SHROOM3: variants seen among roughly 807,000 people sequenced by gnomAD.
The protein encoded by SHROOM3 is protein Shroom3.
In SHROOM3, 47 loss-of-function variants were observed where a neutral mutation model predicts 138.6. That is an observed-to-expected ratio of 0.34 (90% confidence interval 0.27 to 0.43). SHROOM3 has a LOEUF of 0.43. Ranked by LOEUF, SHROOM3 falls within the 20% of genes least tolerant of loss-of-function variation. The probability of loss-of-function intolerance (pLI) is 1.00; values close to 1 mark genes in which losing one functional copy is unlikely to be tolerated. For missense variants in SHROOM3, 2,491 were observed against 2,596.5 expected (o/e 0.96, Z 0.88); for synonymous variants, 1,062 against 1,063.3 (o/e 1.00, Z 0.02).
At chr4:76,525,703 C>T (rs758300911) in intron 1 of SHROOM3, among the ~76,000 whole-genome samples, 1 of 152,102 alleles carries the variant, frequency 6.6e-6, no homozygotes, top group Non-Finnish European at 1.5e-5. Flanking sequence ...CTTTTAGTAA[C>T]ATTCTTAGAG....
intron 2 of SHROOM3, among the ~76,000 whole-genome samples, chr4:76,685,948 G>T (rs1176829573): frequency 6.6e-6 from 1 of 152,130 alleles, no homozygotes; most frequent in Non-Finnish European, 1.5e-5. Flanking sequence ...CTCCAGCCTG[G>T]GTGACAGAGC....
intron 1 of SHROOM3, 112 bp downstream of exon 1, chr4:76,436,332 T>G: frequency 2.5e-6 from 3 of 1,179,618 alleles, no homozygotes; most frequent in Non-Finnish European, 3.7e-6. Context: ...AATTTGCTGT[T>G]TCATGCCTTT....
chr4:76,472,403 T>C (rs531575553), intron 1 of SHROOM3, among the ~76,000 whole-genome samples: 1 of 152,286 alleles, frequency 6.6e-6, no homozygotes, highest in East Asian at 1.9e-4. Context: ...ATTTGTGACT[T>C]GCCTTCAAGA....
intron 1 of SHROOM3, among the ~76,000 whole-genome samples, chr4:76,439,637 C>A (rs1238916394): frequency 6.6e-6 from 1 of 152,112 alleles, no homozygotes; most frequent in Non-Finnish European, 1.5e-5. Flanking sequence ...ACTATTCTCC[C>A]AAGTTAGGGT....
chr4:76,717,441 C>T (rs1720406054), intron 3 of SHROOM3, among the ~76,000 whole-genome samples: 1 of 152,134 alleles, frequency 6.6e-6, no homozygotes, highest in Non-Finnish European at 1.5e-5. Flanking sequence ...TTCTTCCTTT[C>T]CCTCTTTCTT....
rs1483662691 is a variant in SHROOM3, at chr4:76,740,255, C to A, written c.2082C>A (p.Thr694=). The stretch of plus-strand genomic sequence containing the variant: ...AGGGTTACCCCGGGGGCAGGCCCAC[C>A]TGTGCAGTCAACACCAAGGCAGAAG... ...TQEGYPGGRP[T]CAVNTKAEDP... is the part of the protein sequence containing the mutation. The change falls in exon 5 of 11, where the codon ACC becomes ACA. Residue 694 remains threonine (T), a synonymous_variant. Coordinates refer to ENST00000296043, the MANE Select transcript of SHROOM3 (RefSeq NM_020859.4). This position sits in a 1 kb window ranked among gnomAD's most constrained non-coding sequence, Gnocchi z 4.0. 3 of 1,613,172 alleles carry A rather than the reference C, an allele frequency of 1.9e-6. No individual in the cohort carries two copies. The highest frequency in any genetic ancestry group is 2.5e-6 in the Non-Finnish European group (3 of 1,180,050).
intron 1 of SHROOM3, among the ~76,000 whole-genome samples, chr4:76,528,852 T>C (rs967366527): frequency 2.0e-5 from 3 of 152,020 alleles, no homozygotes; most frequent in Admixed American, 6.6e-5. Context: ...CTGTGCCCGG[T>C]CTTCCTCTCC....
rs1277317995 is a variant in SHROOM3 at position 76,736,751 on chromosome 4, T to G, written c.588-2010T>G. 5.9e-5 allele frequency among the ~76,000 whole-genome samples: 9 copies of G among 152,136 alleles called. No homozygotes were observed. The East Asian group carries it at 9.6e-4, about 16-fold the overall frequency. Reference sequence around the variant, plus strand: ...TGCCCTCCCCGTGTGTGTATATATATAGAGACAGAGACAGACATTTTTTAG... The same window carrying G: ...TGCCCTCCCCGTGTGTGTATATATAGAGAGACAGAGACAGACATTTTTTAG... On this transcript the variant is annotated intron_variant, in intron 4 of 10. Transcript: ENST00000296043.
At chr4:76,552,044 G>C (rs60907463) in intron 1 of SHROOM3, among the ~76,000 whole-genome samples, 69,804 of 142,348 alleles carry the variant, frequency 0.49, 17,774 homozygotes, top group African/African-American at 0.6. Flanking sequence ...TGTATCTTTA[G>C]TAGAGACGGG....
At position 76,741,600 on chromosome 4, in the gene SHROOM3, C is replaced by T; in HGVS notation, c.3427C>T (p.Arg1143Trp). The T allele has an allele frequency of 1.3e-6, 2 of 1,539,700 alleles. No homozygotes were observed. The highest frequency in any genetic ancestry group is 8.7e-7 in the Non-Finnish European group (1 of 1,148,504). The stretch of plus-strand genomic sequence containing the variant: ...CTCGGCCTCCAGCTTGAGCTCACTG[C>T]GGGAGCCCAGCCTGCAGCCCCGCAG... Reference protein sequence around the residue: ...LASASSLSSLREPSLQPRREA... With the variant: ...LASASSLSSLWEPSLQPRREA... Residue 1143 changes from arginine (R) to tryptophan (W), a missense_variant, in exon 5 of 11, where the codon CGG becomes TGG. By Grantham distance (101) the Arg-to-Trp change is moderately radical. Transcript: ENST00000296043. This position sits in a 1 kb window ranked among gnomAD's most constrained non-coding sequence, Gnocchi z 6.2.
chr4:76,643,316 T>G (rs4859701), intron 2 of SHROOM3, among the ~76,000 whole-genome samples: 104,447 of 151,778 alleles, frequency 0.69, 36,054 homozygotes, highest in Middle Eastern at 0.74. Flanking sequence ...CAATTCATCC[T>G]CAGAACACCC....
chr4:76,688,380 G>A (rs1044614718), intron 2 of SHROOM3: 1 of 985,148 alleles, frequency 1.0e-6, no homozygotes, highest in African/African-American at 1.7e-5. Context: ...AGGTAAATGT[G>A]GTATCAGCTG....
chr4:76,469,920 A>C (rs1731333691), intron 1 of SHROOM3, among the ~76,000 whole-genome samples: 1 of 152,202 alleles, frequency 6.6e-6, no homozygotes, highest in Non-Finnish European at 1.5e-5. Context: ...TTTAAGACGA[A>C]ATATGTCAAG....
At chr4:76,610,157 T>C (rs756561421) in intron 2 of SHROOM3, among the ~76,000 whole-genome samples, 1 of 152,252 alleles carries the variant, frequency 6.6e-6, no homozygotes, top group Non-Finnish European at 1.5e-5. Context: ...TCTTTCCTTA[T>C]TGTAAAACTA....
At chr4:76,627,645 C>T (rs1735184802) in intron 2 of SHROOM3, among the ~76,000 whole-genome samples, 1 of 151,084 alleles carries the variant, frequency 6.6e-6, no homozygotes, top group Non-Finnish European at 1.5e-5. Context: ...CATACATATT[C>T]CTCTGTTTTG....
At chr4:76,683,576 G>A (rs56114903) in intron 2 of SHROOM3, among the ~76,000 whole-genome samples, 7,741 of 143,974 alleles carry the variant, frequency 0.054, 666 homozygotes, top group African/African-American at 0.18. Context: ...TTCTTTCTCC[G>A]TTAGCCTTGG....
At chr4:76,610,755 T>A (rs1365760981) in intron 2 of SHROOM3, among the ~76,000 whole-genome samples, 1 of 152,178 alleles carries the variant, frequency 6.6e-6, no homozygotes, top group African/African-American at 2.4e-5. Context: ...CCGTTACCCC[T>A]CTCCAGATCT....
chr4:76,763,263 T>C (rs906204186), intron 9 of SHROOM3, among the ~76,000 whole-genome samples: 2 of 152,010 alleles, frequency 1.3e-5, no homozygotes, highest in African/African-American at 4.8e-5. Context: ...GGCGCACAAC[T>C]GTAATCCCAG....
chr4:76,629,532 T>G (rs932102585), intron 2 of SHROOM3, among the ~76,000 whole-genome samples: 2 of 152,146 alleles, frequency 1.3e-5, no homozygotes, highest in Non-Finnish European at 2.9e-5. Flanking sequence ...AGACTGGAGG[T>G]GAGCAGATAA....
Sources: gnomAD v4.1 joint callset for allele counts (sites outside exome capture counted in the v4.1 genomes callset) on GRCh38, gnomAD v4.1.1 for gene constraint, Gnocchi (gnomAD v3.1) non-coding constraint, MANE v1.5 for transcripts, NCBI Gene and HGNC (gene_info 2026-07-23, HGNC 2026-07-21) for gene names.